Variants in TAFA2 observed in about 807,000 individuals in gnomAD.
TAFA2 encodes chemokine-like protein TAFA-2.
Under a neutral mutation model 18.8 loss-of-function variants are expected in TAFA2, and 7 were observed. The ratio of observed to expected loss-of-function variants is 0.37; its 90% CI spans 0.21 to 0.70. TAFA2 has a LOEUF of 0.70. Among genes scored for constraint, TAFA2 ranks in the 30% least tolerant of loss-of-function variants. The probability of loss-of-function intolerance (pLI) is 0.53; values close to 1 mark genes in which losing one functional copy is unlikely to be tolerated. For missense variants in TAFA2, 122 were observed against 158.1 expected, an observed-to-expected ratio of 0.77 and a Z score of 1.23; for synonymous variants, 60 against 54.2, an observed-to-expected ratio of 1.11 and a Z score of -0.47.
At chr12:62,145,644 A>G (rs2062275028) in intron 1 of TAFA2, 1 of 152,194 alleles carries the variant, frequency 6.6e-6, no homozygotes, top group African/African-American at 2.4e-5. Context: ...GCCTCCGCCT[A>G]TTCAGGAGAA....
intron 1 of TAFA2, among the ~76,000 whole-genome samples, chr12:61,934,954 T>C (rs1011030616): frequency 2.6e-5 from 4 of 152,174 alleles, no homozygotes; most frequent in Non-Finnish European, 5.9e-5. Context: ...CACATATATC[T>C]CAGATCGGAT....
chr12:61,803,464 C>T (rs1871478036), intron 2 of TAFA2, among the ~76,000 whole-genome samples: 1 of 151,886 alleles, frequency 6.6e-6, no homozygotes, highest in South Asian at 2.1e-4. Flanking sequence ...AGCACTGATG[C>T]TCTATTCCTT....
intron 1 of TAFA2, among the ~76,000 whole-genome samples, chr12:62,213,276 T>C (rs1348370594): frequency 1.3e-5 from 2 of 152,214 alleles, no homozygotes; most frequent in African/African-American, 4.8e-5. Flanking sequence ...ACTCTGTTTA[T>C]GGATAAGCTG....
chr12:62,101,079 C>T (rs1869180295), intron 1 of TAFA2, among the ~76,000 whole-genome samples: 1 of 151,192 alleles, frequency 6.6e-6, no homozygotes, highest in South Asian at 2.1e-4. Flanking sequence ...GCAGAAATGG[C>T]CTAGGTTAGT....
chr12:62,142,224 A>T (rs1199492267), intron 1 of TAFA2, among the ~76,000 whole-genome samples: 1 of 152,126 alleles, frequency 6.6e-6, no homozygotes, highest in African/African-American at 2.4e-5. Context: ...AATAATAACT[A>T]CCTGAGCCTG....
chr12:62,226,059 GA>G (rs2062785010), intron 1 of TAFA2, among the ~76,000 whole-genome samples: 1 of 152,176 alleles, frequency 6.6e-6, no homozygotes, highest in South Asian at 2.1e-4. Flanking sequence ...TTGCCTTCAA[GA>G]AGTTTTGTTT....
At chr12:61,871,343 G>A (rs957807942) in intron 1 of TAFA2, among the ~76,000 whole-genome samples, 12 of 152,034 alleles carry the variant, frequency 7.9e-5, no homozygotes, top group African/African-American at 2.9e-4. Flanking sequence ...ACAAAAGGAG[G>A]GACATTGCCT....
At chr12:62,136,339 A>G (rs1479001726) in intron 1 of TAFA2, among the ~76,000 whole-genome samples, 2 of 152,140 alleles carry the variant, frequency 1.3e-5, no homozygotes, top group Non-Finnish European at 2.9e-5. Flanking sequence ...TAAATCTAGA[A>G]TCATACAACA....
At chr12:61,860,786 G>GTAC (rs1260841640) in intron 2 of TAFA2, among the ~76,000 whole-genome samples, 1 of 152,098 alleles carries the variant, frequency 6.6e-6, no homozygotes, top group African/African-American at 2.4e-5. Context: ...CCCTGAAACT[G>GTAC]TACCCTATCC....
intron 1 of TAFA2, among the ~76,000 whole-genome samples, chr12:61,894,925 C>T (rs11174222): frequency 0.27 from 41,616 of 152,108 alleles, 6,126 homozygotes; most frequent in East Asian, 0.44. Context: ...TCGATTTACA[C>T]TGTCCAGGCT....
chr12:62,019,946 A>C (rs1881074702), intron 1 of TAFA2, among the ~76,000 whole-genome samples: 1 of 152,194 alleles, frequency 6.6e-6, no homozygotes, highest in East Asian at 1.9e-4. Flanking sequence ...ATTCAATTTT[A>C]GTTTTATGCA....
At chr12:62,045,880 G>A (rs1478938270) in intron 1 of TAFA2, among the ~76,000 whole-genome samples, 1 of 152,144 alleles carries the variant, frequency 6.6e-6, no homozygotes, top group Non-Finnish European at 1.5e-5. Context: ...TATACAGAGT[G>A]TCAACAAAAG....
At chr12:61,710,537 T>C in intron 4 of TAFA2, 120 bp from the exon 5 acceptor site, 2 of 727,284 alleles carry the variant, frequency 2.7e-6, no homozygotes, top group South Asian at 3.8e-5. Flanking sequence ...TCAAATGCAT[T>C]ACTTAATTTT....
chr12:62,122,194 A>C (rs34365908), intron 1 of TAFA2, among the ~76,000 whole-genome samples: 1 of 152,042 alleles, frequency 6.6e-6, no homozygotes, highest in Non-Finnish European at 1.5e-5. Flanking sequence ...TATGTAAAAA[A>C]CCTGCACTTG....
At chr12:61,776,176 C>A in intron 2 of TAFA2, 3 of 314,228 alleles carry the variant, frequency 9.5e-6, no homozygotes, top group Non-Finnish European at 1.9e-5. Flanking sequence ...ATGATTCTTG[C>A]CAAAAGAATT....
chr12:61,928,370 C>T (rs879164760), intron 1 of TAFA2, among the ~76,000 whole-genome samples: 1 of 152,182 alleles, frequency 6.6e-6, no homozygotes, highest in African/African-American at 2.4e-5. Flanking sequence ...TGAGCAGACA[C>T]TTCTCAAAAG....
intron 4 of TAFA2, among the ~76,000 whole-genome samples, chr12:61,732,169 G>A (rs1870479748): frequency 1.3e-5 from 2 of 152,036 alleles, no homozygotes; most frequent in South Asian, 4.1e-4. Context: ...AGATAAGAGA[G>A]CCAGTCAAGT....
chr12:61,841,518 C>T (rs1314125892), intron 2 of TAFA2, among the ~76,000 whole-genome samples: 2 of 152,002 alleles, frequency 1.3e-5, no homozygotes, highest in Non-Finnish European at 2.9e-5. Flanking sequence ...TGTTTTTATG[C>T]CAATACCATG....
chr12:61,914,601 T>C (rs1435860318), intron 1 of TAFA2, among the ~76,000 whole-genome samples: 1 of 152,188 alleles, frequency 6.6e-6, no homozygotes, highest in African/African-American at 2.4e-5. Flanking sequence ...ATGGAGACTT[T>C]CCTTCAGAAG....
Sources: gnomAD v4.1 joint callset for allele counts (sites outside exome capture counted in the v4.1 genomes callset) on GRCh38, gnomAD v4.1.1 for gene constraint, MANE v1.5 for transcripts, NCBI Gene and HGNC (gene_info 2026-07-23, HGNC 2026-07-21) for gene names.